SIPA1L2: variants seen among roughly 807,000 people sequenced by gnomAD.
SIPA1L2 encodes signal-induced proliferation-associated 1-like protein 2.
Under a neutral mutation model 163.9 loss-of-function variants are expected in SIPA1L2, and 56 were observed. The observed-to-expected ratio is 0.34, with a 90% confidence interval of 0.28 to 0.43. SIPA1L2 has a LOEUF of 0.43. Among genes scored for constraint, SIPA1L2 ranks in the 20% least tolerant of loss-of-function variants. SIPA1L2 has a pLI of 1.00. For synonymous variants in SIPA1L2, 877 were observed against 865.7 expected (o/e 1.01, Z -0.23); for missense variants, 1,974 against 2,193.5 (o/e 0.90, Z 2.00).
chr1:232,546,457 AG>A (rs1658036551), intron 2 of SIPA1L2, among the ~76,000 whole-genome samples: 1 of 152,220 alleles, frequency 6.6e-6, no homozygotes, highest in Admixed American at 6.5e-5. Context: ...AAGATTTAAC[AG>A]GAAGACTGCC....
chr1:232,478,807 G>A (rs1462306855), intron 7 of SIPA1L2, among the ~76,000 whole-genome samples: 1 of 135,010 alleles, frequency 7.4e-6, no homozygotes, highest in African/African-American at 2.7e-5. Flanking sequence ...AACTCAAGCA[G>A]TAACATTCTT....
At chr1:232,418,243 T>A (rs1403807598) in intron 18 of SIPA1L2, among the ~76,000 whole-genome samples, 1 of 151,702 alleles carries the variant, frequency 6.6e-6, no homozygotes, top group Non-Finnish European at 1.5e-5. Flanking sequence ...ACAAGAGGGG[T>A]AAAATGCAAT....
intron 2 of SIPA1L2, among the ~76,000 whole-genome samples, chr1:232,555,687 C>G (rs1222884523): frequency 6.6e-6 from 1 of 152,066 alleles, no homozygotes; most frequent in Non-Finnish European, 1.5e-5. Context: ...TCAGCAGATT[C>G]AAAAAAGATC....
chr1:232,488,309 A>T (rs948846492), intron 5 of SIPA1L2, among the ~76,000 whole-genome samples: 1 of 152,164 alleles, frequency 6.6e-6, no homozygotes, highest in Admixed American at 6.5e-5. Context: ...TTAGACCAAT[A>T]ACAAAATTGC....
chr1:232,462,260 T>C (rs1024722803), intron 9 of SIPA1L2: 2 of 1,550,800 alleles, frequency 1.3e-6, no homozygotes, highest in Middle Eastern at 1.7e-4. Flanking sequence ...GACTATGACC[T>C]CACCTATCTG....
chr1:232,420,606 C>A (rs182644664), intron 18 of SIPA1L2, among the ~76,000 whole-genome samples: 2 of 152,046 alleles, frequency 1.3e-5, no homozygotes, highest in Non-Finnish European at 2.9e-5. Flanking sequence ...GAGGCCGAGG[C>A]GGGCGGATCA....
intron 1 of SIPA1L2, among the ~76,000 whole-genome samples, chr1:232,579,255 AG>A (rs1440648788): frequency 6.6e-6 from 1 of 152,110 alleles, no homozygotes; most frequent in African/African-American, 2.4e-5. Context: ...ACTTACTGTT[AG>A]GATGGATTTG....
At chr1:232,464,135 T>C (rs972216274) in intron 9 of SIPA1L2, among the ~76,000 whole-genome samples, 11 of 152,294 alleles carry the variant, frequency 7.2e-5, no homozygotes, top group African/African-American at 2.2e-4. Context: ...TTACCAAAAA[T>C]AAAAACTAGA....
chr1:232,452,878 TAA>T (rs949677963), intron 10 of SIPA1L2, among the ~76,000 whole-genome samples: 5 of 152,334 alleles, frequency 3.3e-5, no homozygotes, highest in African/African-American at 1.2e-4. Flanking sequence ...GCATCAAGAT[TAA>T]GTTACATAAA....
rs767369999 is a variant in SIPA1L2 at position 232,514,636 on chromosome 1, C to A, written c.704G>T (p.Arg235Leu). Residue 235 changes from arginine to leucine, a missense_variant, in exon 3 of 23, where the codon CGC becomes CTC. By Grantham distance (102) the Arg-to-Leu change is moderately radical. Transcript: ENST00000674635. ...GCTCGGAGAGATTGCAGGGTCACAGCGGAAAAATTCAGGGAACCCAAAAGG... is the reference window on the plus strand; with the variant it reads ...GCTCGGAGAGATTGCAGGGTCACAGAGGAAAAATTCAGGGAACCCAAAAGG... ...MVPFGFPEFF[R>L]CDPAISPSLH... 11 of 1,614,158 alleles carry A rather than the reference C, an allele frequency of 6.8e-6. No homozygotes were observed. Among genetic ancestry groups the A allele is most frequent in the East Asian group, 2.2e-5 (1 of 44,874 alleles).
Position 232,429,453 on chromosome 1 carries a change from T to C in SIPA1L2, c.4257-889A>G, listed in dbSNP as rs140575585. ...AACTGTATGACAGCTCACTGGGAAA[T>C]TGCTAGAATAAGAAACATACACAAA... On this transcript the variant is annotated intron_variant, in intron 16 of 22. Transcript: ENST00000674635. Among the ~76,000 whole-genome samples the C allele has an allele frequency of 1.6e-3, 250 of 152,178 alleles. 2 individuals are homozygous for C. The highest frequency in any genetic ancestry group is 5.8e-3 in the African/African-American group (240 of 41,534).
At chr1:232,486,952 C>T (rs568789658) in intron 5 of SIPA1L2, among the ~76,000 whole-genome samples, 1 of 152,368 alleles carries the variant, frequency 6.6e-6, no homozygotes, top group East Asian at 1.9e-4. Flanking sequence ...CATTAAATCT[C>T]AAGCTAAGCC....
At chr1:232,574,915 AC>A (rs1336558207) in intron 1 of SIPA1L2, among the ~76,000 whole-genome samples, 2 of 152,224 alleles carry the variant, frequency 1.3e-5, no homozygotes, top group Admixed American at 6.5e-5. Context: ...AAAGAAAAAA[AC>A]AATTGGTCTT....
At chr1:232,549,043 AAGG>A (rs1658224893) in intron 2 of SIPA1L2, among the ~76,000 whole-genome samples, 1 of 152,224 alleles carries the variant, frequency 6.6e-6, no homozygotes. Context: ...TGGGAAACAG[AAGG>A]AGGAGGAGCT....
Position 232,492,577 on chromosome 1 carries a change from A to G in SIPA1L2, c.1617+950T>C, listed in dbSNP as rs956913554. On this transcript the variant is annotated intron_variant, in intron 4 of 22. Transcript: ENST00000674635. Reference sequence around the variant, plus strand: ...GCTATACATGTTGTATAATTTATACAAGAATCTCACTTTCCACTAAAAGCA... The same window carrying G: ...GCTATACATGTTGTATAATTTATACGAGAATCTCACTTTCCACTAAAAGCA... Among the ~76,000 whole-genome samples the G allele has an allele frequency of 3.9e-5, 6 of 152,360 alleles. No homozygotes were observed. In the South Asian group the frequency reaches 1.2e-3, roughly 32 times the overall value.
At chr1:232,499,825 G>A (rs1293211660) in intron 3 of SIPA1L2, among the ~76,000 whole-genome samples, 1 of 152,182 alleles carries the variant, frequency 6.6e-6, no homozygotes, top group Admixed American at 6.5e-5. Context: ...CTTGCTAGTG[G>A]CTAACACAGC....
intron 3 of SIPA1L2, among the ~76,000 whole-genome samples, chr1:232,500,075 T>C (rs531400124): frequency 5.9e-5 from 9 of 152,370 alleles, no homozygotes; most frequent in African/African-American, 2.2e-4. Flanking sequence ...CCTCCCGGGC[T>C]GACGCCATTC....
At chr1:232,424,892 CTA>C (rs1262641985) in intron 18 of SIPA1L2, among the ~76,000 whole-genome samples, 3 of 151,930 alleles carry the variant, frequency 2.0e-5, no homozygotes, top group African/African-American at 7.3e-5. Flanking sequence ...ACAAAAATAA[CTA>C]TGTATAAAGG....
At chr1:232,416,982 G>A (rs1472458825) in intron 18 of SIPA1L2, among the ~76,000 whole-genome samples, 1 of 152,200 alleles carries the variant, frequency 6.6e-6, no homozygotes, top group Non-Finnish European at 1.5e-5. Context: ...GGACTTTAAT[G>A]TGCCTTTTCT....
Sources: gnomAD v4.1 joint callset for allele counts (sites outside exome capture counted in the v4.1 genomes callset) on GRCh38, gnomAD v4.1.1 for gene constraint, MANE v1.5 for transcripts, NCBI Gene and HGNC (gene_info 2026-07-23, HGNC 2026-07-21) for gene names.